BBS4: variants seen among roughly 807,000 people sequenced by gnomAD.
BBS4 encodes Bardet-Biedl syndrome 4, also known as BBSome complex member BBS4.
BBS4 carries 58 observed loss-of-function variants against 71.4 expected under a neutral mutation model. The observed-to-expected ratio is 0.81, with a 90% CI of 0.66 to 1.01. BBS4 has a LOEUF of 1.01. BBS4 is among the 50% of genes least tolerant of loss of function. The pLI is 0.00. For missense variants in BBS4, 660 were observed against 607.9 expected (o/e 1.09, Z -0.90); for synonymous variants, 228 against 216.8 (o/e 1.05, Z -0.46).
At chr15:72,704,692 G>A (rs140784830) in intron 2 of BBS4, among the ~76,000 whole-genome samples, 2 of 152,066 alleles carry the variant, frequency 1.3e-5, no homozygotes, top group Non-Finnish European at 2.9e-5. Context: ...CCAGCCTGGC[G>A]GACATGGCAA....
intron 2 of BBS4, among the ~76,000 whole-genome samples, chr15:72,701,318 G>C (rs1440492893): frequency 6.6e-6 from 1 of 152,088 alleles, no homozygotes; most frequent in African/African-American, 2.4e-5. Context: ...TTTCTTCCTT[G>C]TTATATATAT....
Position 72,708,744 on chromosome 15 carries a change from G to A in BBS4, c.77-956G>A, listed in dbSNP as rs543323144. On this transcript the variant is annotated intron_variant, in intron 2 of 15. Transcript: ENST00000268057. ...GGAATTTTAATAATACTCTGGAGAA[G>A]GAATGCATTCCTTGGAGGAGGTCTA... is the stretch of plus-strand genomic sequence containing the variant. Among the ~76,000 whole-genome samples, 145 of 152,226 alleles carry A rather than the reference G, an allele frequency of 9.5e-4. 2 individuals are homozygous for A. The highest frequency in any genetic ancestry group is 3.3e-3 in the African/African-American group (136 of 41,518).
intron 2 of BBS4, among the ~76,000 whole-genome samples, chr15:72,706,211 A>C (rs1334861517): frequency 6.6e-6 from 1 of 151,996 alleles, no homozygotes; most frequent in African/African-American, 2.4e-5. Context: ...ATCTTGGCTC[A>C]CTGCAACCCC....
chr15:72,711,971 G>T (rs2065380866), intron 3 of BBS4, among the ~76,000 whole-genome samples: 3 of 151,826 alleles, frequency 2.0e-5, no homozygotes, highest in Admixed American at 1.3e-4. Flanking sequence ...GGGTTCAAGC[G>T]ATTCTCCTTC....
chr15:72,731,065 C>CTTTTTTTTTTTTTT (rs35004414), intron 10 of BBS4, among the ~76,000 whole-genome samples: 6 of 77,636 alleles, frequency 7.7e-5, no homozygotes, highest in African/African-American at 1.1e-4. Context: ...AACATTTTAT[C>CTTTTTTTTTTTTTT]TTTTTTTTTT....
intron 5 of BBS4, among the ~76,000 whole-genome samples, chr15:72,715,881 A>G (rs2065460027): frequency 6.6e-6 from 1 of 152,262 alleles, no homozygotes; most frequent in Non-Finnish European, 1.5e-5. Context: ...AAGTATCCAT[A>G]CAGCCATTCC....
At chr15:72,729,588 A>C (rs760379597) in intron 9 of BBS4, 28 bp from the exon 10 acceptor site, 1 of 1,611,406 alleles carries the variant, frequency 6.2e-7, no homozygotes, top group South Asian at 1.1e-5. Flanking sequence ...TTGCTGATGT[A>C]AATTGTCTTG....
chr15:72,715,417 C>T lies in BBS4; in HGVS notation c.332+15C>T. 1 of 1,558,716 alleles carries T rather than the reference C, an allele frequency of 6.4e-7. No individual in the cohort carries two copies. Among genetic ancestry groups the T allele is most frequent in the Non-Finnish European group, 8.9e-7 (1 of 1,129,774 alleles). On this transcript the variant is annotated intron_variant, in intron 5 of 15. Transcript: ENST00000268057. ...GCCAGATCTTTGTGAGTATTGGCAA[C>T]CTGGAGGCCCTAGGGCACTCACAGA...
chr15:72,718,773 T>C (rs2065511803), intron 6 of BBS4, among the ~76,000 whole-genome samples: 2 of 152,056 alleles, frequency 1.3e-5, no homozygotes, highest in Admixed American at 6.6e-5. Context: ...TCAACTAGAA[T>C]AGGAAATGAA....
intron 2 of BBS4, among the ~76,000 whole-genome samples, chr15:72,700,900 C>T (rs1008586959): frequency 6.6e-6 from 1 of 152,098 alleles, no homozygotes; most frequent in Admixed American, 6.5e-5. Flanking sequence ...ATTAATATTG[C>T]AGAAATTAAT....
chr15:72,715,473 C>CAG, intron 5 of BBS4, 71 bp downstream of exon 5: 1 of 1,078,414 alleles, frequency 9.3e-7, no homozygotes. Context: ...CTAGGTCCAG[C>CAG]CTGCTGCTGG....
rs180850014 is a variant in BBS4, at chr15:72,731,858, G to A, written c.1036+132G>A. On this transcript the variant is annotated intron_variant, in intron 12 of 15. Coordinates refer to ENST00000268057, the MANE Select transcript of BBS4 (RefSeq NM_033028.5). ...AGATCCTGTAGGAATCTGGATTACT[G>A]TCCTGGAGCTTGAAGAAATAGAAAA... is the stretch of plus-strand genomic sequence containing the variant. 1.7e-5 allele frequency: 20 copies of A among 1,165,266 alleles called. No homozygotes were observed. The Admixed American group carries it at 4.3e-4, about 25-fold the overall frequency. 72.2% of individuals were successfully genotyped at this position (1,165,266 alleles called of 1,614,324 possible).
Position 72,700,562 on chromosome 15 carries a change from T to C in BBS4, c.76+5334T>C, listed in dbSNP as rs112208719. Among the ~76,000 whole-genome samples, 390 of 152,352 alleles carry C rather than the reference T, an allele frequency of 2.6e-3. 3 individuals carry two copies. The highest frequency in any genetic ancestry group is 8.9e-3 in the African/African-American group (369 of 41,584). ...TAGTGATGTTGAACACCTTTTCATA[T>C]ACTTATTGGTCATATCTTTTGTGTA... On this transcript the variant is annotated intron_variant, in intron 2 of 15. Coordinates refer to ENST00000268057, the MANE Select transcript of BBS4 (RefSeq NM_033028.5).
At chr15:72,713,178 T>C (rs922457263) in intron 4 of BBS4, among the ~76,000 whole-genome samples, 4 of 152,036 alleles carry the variant, frequency 2.6e-5, no homozygotes, top group African/African-American at 9.7e-5. Flanking sequence ...TTAAAACTTT[T>C]TATTTTTTTA....
chr15:72,736,993 T>G (rs1464417605), intron 15 of BBS4, 30 bp downstream of exon 15: 2 of 1,609,844 alleles, frequency 1.2e-6, no homozygotes, highest in African/African-American at 2.7e-5. Flanking sequence ...CATGAAGACC[T>G]GGCAGGTACA....
chr15:72,696,690 C>T (rs192600633), intron 2 of BBS4, among the ~76,000 whole-genome samples: 1 of 152,170 alleles, frequency 6.6e-6, no homozygotes, highest in Admixed American at 6.5e-5. Flanking sequence ...CCTGAAACTC[C>T]TGGGTTCAAA....
At chr15:72,686,661 G>A (rs2064849631) in intron 1 of BBS4, 4 of 952,970 alleles carry the variant, frequency 4.2e-6, no homozygotes, top group Non-Finnish European at 5.9e-6. Flanking sequence ...TTCTGCCAGT[G>A]GAGCGGGACT....
At chr15:72,694,246 G>A (rs112096524) in intron 1 of BBS4, among the ~76,000 whole-genome samples, 99 of 147,636 alleles carry the variant, frequency 6.7e-4, no homozygotes, top group South Asian at 1.5e-3. Flanking sequence ...GCCGGGGGGC[G>A]ATGGTACGAT....
intron 5 of BBS4, 87 bp downstream of exon 5, chr15:72,715,489 G>A: frequency 1.1e-6 from 1 of 901,228 alleles, no homozygotes; most frequent in Non-Finnish European, 1.9e-6. Flanking sequence ...GCTGGCAGCT[G>A]CATCAGCCTG....
Sources: gnomAD v4.1 joint callset for allele counts (sites outside exome capture counted in the v4.1 genomes callset) on GRCh38, gnomAD v4.1.1 for gene constraint, MANE v1.5 for transcripts, NCBI Gene and HGNC (gene_info 2026-07-23, HGNC 2026-07-21) for gene names.